The following GPC5 variants were observed in gnomAD, a reference collection of about 807,000 sequenced individuals.
The protein encoded by GPC5 is glypican 5, also known as glypican-5.
Under a neutral mutation model 53.9 loss-of-function variants are expected in GPC5, and 47 were observed. The observed-to-expected ratio is 0.87, with a 90% CI of 0.69 to 1.11. The LOEUF is 1.11. Among genes scored for constraint, GPC5 ranks in the 50% most tolerant of loss-of-function variants. The pLI, the probability that GPC5 is intolerant of heterozygous loss-of-function variation, is 0.00. For missense variants in GPC5, 748 were observed against 713.1 expected, an observed-to-expected ratio of 1.05 and a Z score of -0.56; for synonymous variants, 286 against 263.3, an observed-to-expected ratio of 1.09 and a Z score of -0.84.
chr13:92,546,014 G>T (rs1882096975), intron 7 of GPC5, among the ~76,000 whole-genome samples: 1 of 152,004 alleles, frequency 6.6e-6, no homozygotes, highest in Non-Finnish European at 1.5e-5. Flanking sequence ...ATCCTGAATG[G>T]TGTTGCCTAG....
At chr13:92,202,278 G>A (rs1370401743) in intron 7 of GPC5, among the ~76,000 whole-genome samples, 1 of 152,146 alleles carries the variant, frequency 6.6e-6, no homozygotes, top group Non-Finnish European at 1.5e-5. Flanking sequence ...AATGTTTCCA[G>A]TTGAGATAGA....
chr13:92,117,021 C>T (rs751617051), intron 6 of GPC5, among the ~76,000 whole-genome samples: 1 of 152,094 alleles, frequency 6.6e-6, no homozygotes, highest in African/African-American at 2.4e-5. Flanking sequence ...TTTCGTAGAG[C>T]AAAAATTTTT....
chr13:91,925,338 A>G (rs1007367699), intron 6 of GPC5, among the ~76,000 whole-genome samples: 1 of 152,200 alleles, frequency 6.6e-6, no homozygotes, highest in African/African-American at 2.4e-5. Flanking sequence ...CCTAATTATC[A>G]TATACTTAAC....
intron 7 of GPC5, among the ~76,000 whole-genome samples, chr13:92,626,933 A>G (rs1885064940): frequency 1.3e-5 from 2 of 152,320 alleles, no homozygotes; most frequent in East Asian, 3.9e-4. Context: ...TTTGCCTTCT[A>G]TAACATCAAA....
At chr13:92,285,923 C>CAA (rs139576817) in intron 7 of GPC5, among the ~76,000 whole-genome samples, 5,802 of 150,406 alleles carry the variant, frequency 0.039, 145 homozygotes, top group East Asian at 0.066. Context: ...TTCTGCACAG[C>CAA]AAAAAAAAAC....
chr13:91,979,721 C>T (rs2040340378), intron 6 of GPC5, among the ~76,000 whole-genome samples: 1 of 152,222 alleles, frequency 6.6e-6, no homozygotes, highest in Admixed American at 6.5e-5. Flanking sequence ...AAAGTCTCTG[C>T]ATTCACTGTT....
chr13:92,790,336 T>C (rs757497958), intron 7 of GPC5, among the ~76,000 whole-genome samples: 4 of 152,126 alleles, frequency 2.6e-5, no homozygotes, highest in Admixed American at 1.3e-4. Flanking sequence ...AAAGAAGAGA[T>C]AATTTTGAAG....
rs1884429614 is a variant in GPC5, at chr13:92,611,328, A to T, written c.1562-254954A>T. 2.6e-5 allele frequency among the ~76,000 whole-genome samples: 4 copies of T among 152,276 alleles called. No homozygotes were observed. In the South Asian group the frequency reaches 8.3e-4, roughly 32 times the overall value. ...ACTTAGGCTGTAATCCCAGGACCGG[A>T]TGACTCTTTGAGAATCAGGCATCTT... On this transcript the variant is annotated intron_variant, in intron 7 of 7. Coordinates refer to ENST00000377067, the MANE Select transcript of GPC5 (RefSeq NM_004466.6).
intron 7 of GPC5, among the ~76,000 whole-genome samples, chr13:92,675,141 C>A (rs925407532): frequency 2.0e-5 from 3 of 148,122 alleles, no homozygotes; most frequent in Admixed American, 6.8e-5. Flanking sequence ...TGATATATAT[C>A]TTTCAGAAAT....
chr13:92,221,407 C>A (rs918839229), intron 7 of GPC5, among the ~76,000 whole-genome samples: 7 of 152,138 alleles, frequency 4.6e-5, no homozygotes, highest in African/African-American at 1.7e-4. Flanking sequence ...CTCTTCTCAG[C>A]AATCATAGTG....
chr13:92,072,272 A>G (rs2041218479), intron 6 of GPC5, among the ~76,000 whole-genome samples: 1 of 150,468 alleles, frequency 6.6e-6, no homozygotes, highest in Non-Finnish European at 1.5e-5. Context: ...TTTTATTATT[A>G]TTATTATTTT....
chr13:92,763,736 G>A (rs976326681), intron 7 of GPC5, among the ~76,000 whole-genome samples: 5 of 152,250 alleles, frequency 3.3e-5, no homozygotes, highest in Admixed American at 1.3e-4. Flanking sequence ...TCTGAGGCAC[G>A]CTCTAGAGTA....
At chr13:91,401,795 T>G (rs1876973855) in intron 1 of GPC5, among the ~76,000 whole-genome samples, 1 of 152,224 alleles carries the variant, frequency 6.6e-6, no homozygotes, top group African/African-American at 2.4e-5. Flanking sequence ...GTTTCTCAGA[T>G]TCCCCTCACC....
intron 7 of GPC5, among the ~76,000 whole-genome samples, chr13:92,840,483 C>A (rs1031005333): frequency 1.3e-5 from 2 of 152,180 alleles, no homozygotes; most frequent in South Asian, 4.1e-4. Flanking sequence ...TATACCAGGA[C>A]TACACTGTTT....
intron 6 of GPC5, among the ~76,000 whole-genome samples, chr13:92,091,677 G>T (rs1236204401): frequency 2.7e-5 from 4 of 150,772 alleles, no homozygotes; most frequent in African/African-American, 9.8e-5. Flanking sequence ...GTCACATACG[G>T]AGTCATTCTG....
rs78308055 is a variant in GPC5, at chr13:91,819,054, G to A, written c.1280+62634G>A. ...TGAAACATCCCCACCTAGAAACATGGGCGTATTGCCAGACTGCAAACTCCT... is the reference window on the plus strand; with the variant it reads ...TGAAACATCCCCACCTAGAAACATGAGCGTATTGCCAGACTGCAAACTCCT... On this transcript the variant is annotated intron_variant, in intron 5 of 7. Transcript: ENST00000377067. 2.2e-3 allele frequency among the ~76,000 whole-genome samples: 332 copies of A among 151,406 alleles called. 1 individual carries two copies. The highest frequency in any genetic ancestry group is 7.5e-3 in the African/African-American group (311 of 41,256).
At position 92,853,497 on chromosome 13, in the gene GPC5, C is replaced by T. The variant is rs553414706; in HGVS notation, c.1562-12785C>T. Among the ~76,000 whole-genome samples, 8 of 152,178 alleles carry T rather than the reference C, an allele frequency of 5.3e-5. No homozygotes were observed. In the South Asian group the frequency reaches 6.2e-4, roughly 12 times the overall value. On this transcript the variant is annotated intron_variant, in intron 7 of 7. Coordinates refer to ENST00000377067, the MANE Select transcript of GPC5 (RefSeq NM_004466.6). ...AGGGGTCTTGGAATATATCCCCATC[C>T]GATAAGGCGAGAATACTGTACTGTC... is the stretch of plus-strand genomic sequence containing the variant.
intron 7 of GPC5, among the ~76,000 whole-genome samples, chr13:92,192,946 G>A (rs891901745): frequency 1.3e-5 from 2 of 152,146 alleles, no homozygotes; most frequent in African/African-American, 4.8e-5. Context: ...GGAGGTCAAG[G>A]CGGGCGGATC....
intron 6 of GPC5, among the ~76,000 whole-genome samples, chr13:92,138,092 G>A (rs1443809556): frequency 6.6e-6 from 1 of 152,058 alleles, no homozygotes; most frequent in Non-Finnish European, 1.5e-5. Flanking sequence ...AAAAAATGAA[G>A]TTTATTAATC....
Sources: gnomAD v4.1 joint callset for allele counts (sites outside exome capture counted in the v4.1 genomes callset) on GRCh38, gnomAD v4.1.1 for gene constraint, MANE v1.5 for transcripts, NCBI Gene and HGNC (gene_info 2026-07-23, HGNC 2026-07-21) for gene names.